QKI: variants seen among roughly 807,000 people sequenced by gnomAD.
QKI encodes the protein QKI, KH domain containing RNA binding.
A neutral mutation model predicts 39.0 loss-of-function variants in QKI; 10 were observed. The ratio of observed to expected loss-of-function variants is 0.26; its 90% CI spans 0.16 to 0.43. The LOEUF is 0.43. QKI is among the 20% of genes least tolerant of loss of function. QKI has a pLI of 1.00. For missense variants in QKI, 218 were observed against 428.0 expected, an observed-to-expected ratio of 0.51 and a Z score of 4.33; for synonymous variants, 204 against 155.4, an observed-to-expected ratio of 1.31 and a Z score of -2.33.
intron 3 of QKI, among the ~76,000 whole-genome samples, chr6:163,533,538 TTC>T (rs1781002084): frequency 6.6e-6 from 1 of 152,204 alleles, no homozygotes; most frequent in South Asian, 2.1e-4. Flanking sequence ...CCACCCTCTT[TTC>T]TTGTTCCACA....
intron 2 of QKI, among the ~76,000 whole-genome samples, chr6:163,473,361 C>T (rs1441052209): frequency 6.6e-6 from 1 of 152,142 alleles, no homozygotes; most frequent in Non-Finnish European, 1.5e-5. Flanking sequence ...AGTCACAATG[C>T]TAGCCTAGAT....
chr6:163,566,574 AT>A, intron 6 of QKI, 146 bp from the exon 7 acceptor site: 2 of 1,511,494 alleles, frequency 1.3e-6, no homozygotes, highest in Non-Finnish European at 1.8e-6. Context: ...ATTGTGGTTA[AT>A]TTTAAAACTA....
chr6:163,444,751 TAAC>T (rs561748098), intron 1 of QKI, among the ~76,000 whole-genome samples: 127 of 152,320 alleles, frequency 8.3e-4, no homozygotes, highest in African/African-American at 2.9e-3. Context: ...ATTAAAATTT[TAAC>T]AACATTATTT....
chr6:163,569,391 C>G (rs1000203335), intron 7 of QKI: 10 of 1,259,390 alleles, frequency 7.9e-6, no homozygotes, highest in Non-Finnish European at 1.0e-5. Context: ...GGCACAGAAT[C>G]TAACTTTGCA....
chr6:163,577,626 T>G lies in QKI; in HGVS notation c.*6916T>G, dbSNP rs1366641608. On this transcript the variant is annotated 3_prime_UTR_variant, in exon 8 of 8. Transcript: ENST00000361752. ...CTAGTGTCACACTTGGGCTGTTGAT[T>G]TTCTTACTCTTCTCTTGCTTTAATC... is the stretch of plus-strand genomic sequence containing the variant. The G allele has an allele frequency of 6.6e-6, 1 of 152,602 alleles. No individual in the cohort carries two copies. The highest frequency in any genetic ancestry group is 1.5e-5 in the Non-Finnish European group (1 of 68,060). 9.5% of individuals were successfully genotyped at this position (152,602 alleles called of 1,614,324 possible).
intron 3 of QKI, among the ~76,000 whole-genome samples, chr6:163,518,970 C>T (rs941059904): frequency 6.6e-6 from 1 of 152,174 alleles, no homozygotes; most frequent in African/African-American, 2.4e-5. Flanking sequence ...GAGTTACACA[C>T]CTTGTATGGC....
chr6:163,566,655 T>A, intron 6 of QKI, 66 bp from the exon 7 acceptor site: 1 of 1,587,496 alleles, frequency 6.3e-7, no homozygotes, highest in Non-Finnish European at 8.6e-7. Context: ...ATAAACCTGC[T>A]GTTAATGTTT....
intron 1 of QKI, among the ~76,000 whole-genome samples, chr6:163,418,174 T>C (rs1235474759): frequency 6.6e-6 from 1 of 152,020 alleles, no homozygotes; most frequent in Non-Finnish European, 1.5e-5. Flanking sequence ...TTTACTTTAG[T>C]GATTGGTTTG....
intron 7 of QKI, chr6:163,567,661 T>C: frequency 2.0e-6 from 2 of 985,238 alleles, no homozygotes; most frequent in Non-Finnish European, 2.4e-6. Context: ...TATTTTCGGT[T>C]TATTGACATT....
rs1362190355 is a variant in QKI, at chr6:163,577,003, GAAGA to G, written c.*6297_*6300del. On this transcript the variant is annotated 3_prime_UTR_variant, in exon 8 of 8. Transcript: ENST00000361752. ...GTTTTTATGTAGTTTTCGAATGTAA[GAAGA>G]AAGGAATGCTGACCAAAACTTGATT... is the stretch of plus-strand genomic sequence containing the variant. 2.0e-5 allele frequency: 3 copies of G among 152,054 alleles called. No individual in the cohort carries two copies. The highest frequency in any genetic ancestry group is 7.2e-5 in the African/African-American group (3 of 41,404). The allele number at this position is 152,054 out of a possible 1,614,324, so 9.4% of individuals were successfully genotyped here.
At chr6:163,466,489 AT>A (rs1791765557) in intron 2 of QKI, among the ~76,000 whole-genome samples, 1 of 152,192 alleles carries the variant, frequency 6.6e-6, no homozygotes, top group African/African-American at 2.4e-5. Flanking sequence ...CTGATTTCAA[AT>A]TATATTAAAA....
chr6:163,467,373 A>G (rs1241530064), intron 2 of QKI, among the ~76,000 whole-genome samples: 1 of 152,264 alleles, frequency 6.6e-6, no homozygotes, highest in East Asian at 1.9e-4. Context: ...TCATATGTTT[A>G]GAACTTTCTC....
At chr6:163,421,218 T>C (rs1314005548) in intron 1 of QKI, among the ~76,000 whole-genome samples, 2 of 152,246 alleles carry the variant, frequency 1.3e-5, no homozygotes, top group Non-Finnish European at 2.9e-5. Context: ...AAACATGTCA[T>C]GTTATTTGTA....
rs368970926 is a variant in QKI at position 163,570,894 on chromosome 6, C to CTT, written c.*200_*201dup. 2,909 of 481,560 alleles carry CTT rather than the reference C, an allele frequency of 6.0e-3. No individual in the cohort carries two copies. The highest frequency in any genetic ancestry group is 8.5e-3 in the South Asian group (211 of 24,890). The allele number at this position is 481,560 out of a possible 1,614,324, so 29.8% of individuals were successfully genotyped here. A position where few individuals can be genotyped will look rare whatever the true frequency, so the allele number is the denominator to read the frequency against. ...AAGAAATTGTTGTCCTCCAACTCAG[C>CTT]TTTTTTTTTTTTTTTTTCCTGTTTG... On this transcript the variant is annotated 3_prime_UTR_variant, in exon 8 of 8. Transcript: ENST00000361752.
rs75959911 is a variant in QKI at position 163,482,665 on chromosome 6, C to T, written c.402+3769C>T. On this transcript the variant is annotated intron_variant, in intron 3 of 7. Coordinates refer to ENST00000361752, the MANE Select transcript of QKI (RefSeq NM_006775.3). ...TTATAAAGGATATTACAAAGGATAC[C>T]GACGAACAGCAGATGGAAAAGATGC... 3.1e-3 allele frequency among the ~76,000 whole-genome samples: 470 copies of T among 150,664 alleles called. 23 individuals carry two copies. The East Asian group carries it at 0.078, about 25-fold the overall frequency.
At chr6:163,479,287 G>A (rs1306524818) in intron 3 of QKI, among the ~76,000 whole-genome samples, 7 of 152,110 alleles carry the variant, frequency 4.6e-5, no homozygotes, top group African/African-American at 7.2e-5. Flanking sequence ...TCTCAAAAAC[G>A]AACAAACAAA....
intron 3 of QKI, among the ~76,000 whole-genome samples, chr6:163,481,003 GA>G (rs1224975512): frequency 6.6e-6 from 1 of 152,162 alleles, no homozygotes; most frequent in Admixed American, 6.5e-5. Flanking sequence ...ATGAGCATTA[GA>G]GCTTATAACT....
intron 3 of QKI, among the ~76,000 whole-genome samples, chr6:163,510,772 G>A (rs1035047035): frequency 1.3e-5 from 2 of 152,054 alleles, no homozygotes; most frequent in African/African-American, 4.8e-5. Flanking sequence ...AATCATAAGT[G>A]TATATTTATT....
chr6:163,534,953 T>G (rs1421244808), intron 3 of QKI, 29 bp from the exon 4 acceptor site: 1 of 1,540,158 alleles, frequency 6.5e-7, no homozygotes, highest in Admixed American at 2.0e-5. Flanking sequence ...AGAGAATAAT[T>G]TTAATCATGT....
Sources: allele counts gnomAD v4.1 joint callset (sites outside exome capture counted in the v4.1 genomes callset), GRCh38; gene constraint gnomAD v4.1.1; transcripts MANE v1.5; gene names NCBI Gene and HGNC (gene_info 2026-07-23, HGNC 2026-07-21).